LRCH1: variants seen among roughly 807,000 people sequenced by gnomAD.
LRCH1 encodes the protein leucine rich repeats and calponin homology domain containing 1.
In LRCH1, 23 loss-of-function variants were observed where a neutral mutation model predicts 94.9. The ratio of observed to expected loss-of-function variants is 0.24; its 90% CI spans 0.17 to 0.34. LRCH1 has a LOEUF of 0.34. Ranked by LOEUF, LRCH1 falls within the 10% of genes least tolerant of loss-of-function variation. The probability of loss-of-function intolerance (pLI) is 1.00; values close to 1 mark genes in which losing one functional copy is unlikely to be tolerated. For missense variants in LRCH1, 790 were observed against 945.9 expected, an observed-to-expected ratio of 0.84 and a Z score of 2.16; for synonymous variants, 364 against 354.9, an observed-to-expected ratio of 1.03 and a Z score of -0.29.
intron 1 of LRCH1, among the ~76,000 whole-genome samples, chr13:46,634,697 G>A (rs1017834600): frequency 1.3e-5 from 2 of 152,170 alleles, no homozygotes; most frequent in African/African-American, 2.4e-5. Flanking sequence ...TTGTTTACCT[G>A]TCTCCCCCTC....
chr13:46,657,692 A>ATTTTTTTT (rs55823488), intron 2 of LRCH1, among the ~76,000 whole-genome samples: 3,685 of 46,628 alleles, frequency 0.079, 446 homozygotes, highest in East Asian at 0.26. Flanking sequence ...TGCCCAGCTA[A>ATTTTTTTT]TTTTTTTTTT....
chr13:46,658,066 T>A (rs1411249936), intron 2 of LRCH1, among the ~76,000 whole-genome samples: 1 of 152,188 alleles, frequency 6.6e-6, no homozygotes, highest in Non-Finnish European at 1.5e-5. Context: ...TTCATGCCCC[T>A]TAAGACAGTT....
chr13:46,574,570 T>G (rs1322400943), intron 1 of LRCH1, among the ~76,000 whole-genome samples: 1 of 152,214 alleles, frequency 6.6e-6, no homozygotes, highest in Non-Finnish European at 1.5e-5. Flanking sequence ...GAGCACTTTT[T>G]TTCTTTATCC....
chr13:46,655,241 C>A (rs906682208), intron 2 of LRCH1, among the ~76,000 whole-genome samples: 2 of 152,178 alleles, frequency 1.3e-5, no homozygotes, highest in African/African-American at 4.8e-5. Context: ...TGTCAAAAGG[C>A]TGCTTGTTGC....
At chr13:46,691,745 A>G (rs1285850565) in intron 7 of LRCH1, among the ~76,000 whole-genome samples, 4 of 152,144 alleles carry the variant, frequency 2.6e-5, no homozygotes, top group Non-Finnish European at 5.9e-5. Flanking sequence ...GCTGGAGTGC[A>G]GTGGCGCGAT....
At chr13:46,606,347 C>T (rs2137992859) in intron 1 of LRCH1, among the ~76,000 whole-genome samples, 1 of 152,048 alleles carries the variant, frequency 6.6e-6, no homozygotes, top group South Asian at 2.1e-4. Context: ...TAGGACTTGC[C>T]CTTAGTTACA....
chr13:46,686,117 C>T, intron 5 of LRCH1, 76 bp downstream of exon 5: 1 of 1,338,856 alleles, frequency 7.5e-7, no homozygotes, highest in Non-Finnish European at 9.7e-7. Context: ...TTCCCCTTCA[C>T]CCTCTGAAAG....
At chr13:46,747,897 C>A (rs1873975843), downstream of LRCH1, among the ~76,000 whole-genome samples, 1 of 152,044 alleles carries the variant, frequency 6.6e-6, no homozygotes, top group Admixed American at 6.5e-5. Flanking sequence ...ACCACCATGT[C>A]CAGCTAATTT....
intron 1 of LRCH1, among the ~76,000 whole-genome samples, chr13:46,645,837 A>C (rs1444202675): frequency 6.6e-6 from 1 of 152,252 alleles, no homozygotes; most frequent in Non-Finnish European, 1.5e-5. Flanking sequence ...AAACACTCTC[A>C]TTACCTAAAA....
At chr13:46,600,174 A>G (rs1166335447) in intron 1 of LRCH1, among the ~76,000 whole-genome samples, 1 of 152,176 alleles carries the variant, frequency 6.6e-6, no homozygotes, top group Non-Finnish European at 1.5e-5. Context: ...GGCGTGAGCC[A>G]CCACACCCGG....
intron 1 of LRCH1, among the ~76,000 whole-genome samples, chr13:46,589,633 T>C (rs1299194236): frequency 7.4e-6 from 1 of 134,962 alleles, no homozygotes; most frequent in Non-Finnish European, 1.6e-5. Flanking sequence ...GGCGTTTTGC[T>C]CTTGTCACCC....
chr13:46,644,284 T>G (rs1310019516), intron 1 of LRCH1, among the ~76,000 whole-genome samples: 1 of 152,234 alleles, frequency 6.6e-6, no homozygotes, highest in African/African-American at 2.4e-5. Context: ...TTCATCTACC[T>G]TCTCCCAAAT....
At position 46,652,536 on chromosome 13, in the gene LRCH1, C is replaced by T. The variant is rs74076956; in HGVS notation, c.452+2191C>T. ...AATCTTCACTTTTGCAGATTTCTAACTTATCTGACCATTTTGAATTTTCTT... is the reference window on the plus strand; with the variant it reads ...AATCTTCACTTTTGCAGATTTCTAATTTATCTGACCATTTTGAATTTTCTT... On this transcript the variant is annotated intron_variant, in intron 2 of 19. Coordinates refer to ENST00000389797, the MANE Select transcript of LRCH1 (RefSeq NM_001164211.2). 4.8e-3 allele frequency among the ~76,000 whole-genome samples: 731 copies of T among 152,194 alleles called. 7 individuals are homozygous for T. Among genetic ancestry groups the T allele is most frequent in the African/African-American group, 0.016 (673 of 41,522 alleles).
At chr13:46,631,461 A>G (rs1466008343) in intron 1 of LRCH1, among the ~76,000 whole-genome samples, 1 of 152,250 alleles carries the variant, frequency 6.6e-6, no homozygotes, top group Non-Finnish European at 1.5e-5. Flanking sequence ...AGGCAGGTCT[A>G]TAAAATAGCA....
At chr13:46,746,517 G>A (rs76614392), downstream of LRCH1, among the ~76,000 whole-genome samples, 326 of 152,154 alleles carry the variant, frequency 2.1e-3, 11 homozygotes, top group East Asian at 0.054. Flanking sequence ...ACTCCGCTCC[G>A]TACTTTAAAA....
At chr13:46,566,326 C>T (rs1218379774) in intron 1 of LRCH1, among the ~76,000 whole-genome samples, 1 of 151,944 alleles carries the variant, frequency 6.6e-6, no homozygotes, top group Non-Finnish European at 1.5e-5. Context: ...TTTTTTCCCT[C>T]ACTCTTTTAC....
chr13:46,668,006 C>G (rs1480523970), intron 2 of LRCH1, among the ~76,000 whole-genome samples: 1 of 152,172 alleles, frequency 6.6e-6, no homozygotes, highest in Admixed American at 6.5e-5. Context: ...AAACACACAG[C>G]AGTTTTATTA....
chr13:46,569,160 T>C (rs1306307268), intron 1 of LRCH1, among the ~76,000 whole-genome samples: 2 of 145,448 alleles, frequency 1.4e-5, no homozygotes, highest in African/African-American at 2.6e-5. Context: ...GGCATTTTAT[T>C]TTAGTGATAG....
At chr13:46,676,257 G>A (rs1259561841) in intron 3 of LRCH1, among the ~76,000 whole-genome samples, 9 of 151,994 alleles carry the variant, frequency 5.9e-5, no homozygotes, top group East Asian at 1.9e-4. Flanking sequence ...ACTCCGTCTC[G>A]GTGGGGTGGG....
Sources: gnomAD v4.1 joint callset for allele counts (sites outside exome capture counted in the v4.1 genomes callset) on GRCh38, gnomAD v4.1.1 for gene constraint, MANE v1.5 for transcripts, NCBI Gene and HGNC (gene_info 2026-07-23, HGNC 2026-07-21) for gene names.